The following FSTL4 variants were observed in gnomAD, a reference collection of about 807,000 sequenced individuals.
FSTL4 encodes follistatin-related protein 4.
In FSTL4, 28 loss-of-function variants were observed where a neutral mutation model predicts 78.2. The observed-to-expected ratio is 0.36, with a 90% CI of 0.27 to 0.49. The LOEUF is 0.49. Among genes scored for constraint, FSTL4 ranks in the 20% least tolerant of loss-of-function variants. FSTL4 has a pLI of 0.98. For synonymous variants in FSTL4, 422 were observed against 440.5 expected (o/e 0.96, Z 0.53); for missense variants, 922 against 1,084.9 (o/e 0.85, Z 2.11).
intron 2 of FSTL4, among the ~76,000 whole-genome samples, chr5:133,600,495 A>G (rs933404006): frequency 6.6e-6 from 1 of 152,156 alleles, no homozygotes; most frequent in Non-Finnish European, 1.5e-5. Flanking sequence ...CTGAATTCAG[A>G]ATTCCATTAG....
intron 11 of FSTL4, 160 bp downstream of exon 11, chr5:133,224,030 T>G: frequency 1.8e-6 from 1 of 550,522 alleles, no homozygotes; most frequent in Non-Finnish European, 3.3e-6. Flanking sequence ...ACATTTTAAA[T>G]TTGATTCAAT....
the FSTL4 span, among the ~76,000 whole-genome samples, chr5:133,684,158 G>A: frequency 2.0e-5 from 3 of 152,216 alleles, no homozygotes; most frequent in East Asian, 3.8e-4. Context: ...TAAGCTCTGC[G>A]TTCGGAAAGG....
chr5:133,441,370 C>T (rs574902558), intron 3 of FSTL4, among the ~76,000 whole-genome samples: 22 of 152,188 alleles, frequency 1.4e-4, no homozygotes, highest in Non-Finnish European at 2.9e-4. Context: ...CCTGGTAGCA[C>T]CCCGAGGGGA....
chr5:133,558,270 T>C (rs1338819032), intron 3 of FSTL4, among the ~76,000 whole-genome samples: 2 of 152,208 alleles, frequency 1.3e-5, no homozygotes, highest in South Asian at 2.1e-4. Context: ...ATTTCTCCAA[T>C]GCAAGTAGTA....
intron 11 of FSTL4, 22 bp downstream of exon 11, chr5:133,224,168 G>T: frequency 6.2e-7 from 1 of 1,603,986 alleles, no homozygotes; most frequent in Non-Finnish European, 8.5e-7. Context: ...CAGGCATGAC[G>T]CAAAACAATG....
At chr5:133,453,924 G>T (rs1757432424) in intron 3 of FSTL4, among the ~76,000 whole-genome samples, 1 of 152,176 alleles carries the variant, frequency 6.6e-6, no homozygotes, top group African/African-American at 2.4e-5. Context: ...AGTTGGGTTG[G>T]GATGAGGCAT....
chr5:133,312,462 C>T lies in FSTL4; in HGVS notation c.727+192G>A, dbSNP rs61604148. On this transcript the variant is annotated intron_variant, in intron 6 of 15. Transcript: ENST00000265342. ...ATTAAAAAGGAACAGGGCAAGCCCT[C>T]TCTGGCCCCATCCACTCTCCGTTTA... The T allele has an allele frequency of 1.5e-3, 918 of 604,712 alleles. 6 individuals carry two copies. In the African/African-American group the frequency reaches 0.016, roughly 11 times the overall value. 37.5% of individuals were successfully genotyped at this position (604,712 alleles called of 1,614,324 possible).
At chr5:133,601,013 A>G (rs1021786150) in intron 2 of FSTL4, among the ~76,000 whole-genome samples, 1 of 152,216 alleles carries the variant, frequency 6.6e-6, no homozygotes, top group Non-Finnish European at 1.5e-5. Flanking sequence ...CTACAGTTCA[A>G]ATAATAAACT....
chr5:133,425,769 G>A (rs1756799737), intron 3 of FSTL4, among the ~76,000 whole-genome samples: 1 of 152,230 alleles, frequency 6.6e-6, no homozygotes, highest in South Asian at 2.1e-4. Context: ...CAGAGAATAA[G>A]GGAGATATGG....
the FSTL4 span, among the ~76,000 whole-genome samples, chr5:133,811,004 GA>G: frequency 6.6e-6 from 1 of 152,240 alleles, no homozygotes; most frequent in South Asian, 2.1e-4. Flanking sequence ...TCGTTAAAAG[GA>G]AAACCTTACC....
intron 2 of FSTL4, among the ~76,000 whole-genome samples, chr5:133,582,378 G>A (rs1760434300): frequency 6.6e-6 from 1 of 152,188 alleles, no homozygotes; most frequent in African/African-American, 2.4e-5. Context: ...TAGTGTCTAT[G>A]AGACTGCAGT....
At chr5:133,770,865 G>A in the FSTL4 span, among the ~76,000 whole-genome samples, 1 of 151,822 alleles carries the variant, frequency 6.6e-6, no homozygotes, top group Admixed American at 6.6e-5. Context: ...TTCAACTTAT[G>A]TTTAGGTCTT....
intron 3 of FSTL4, among the ~76,000 whole-genome samples, chr5:133,421,766 CTCAT>C (rs58435074): frequency 0.027 from 4,069 of 152,250 alleles, 165 homozygotes; most frequent in African/African-American, 0.093. Flanking sequence ...ATCATGCTCA[CTCAT>C]TCATTCATTC....
At chr5:133,269,184 C>CAAAAA (rs869156118) in intron 6 of FSTL4, among the ~76,000 whole-genome samples, 27 of 58,916 alleles carry the variant, frequency 4.6e-4, no homozygotes, top group South Asian at 7.1e-4. Flanking sequence ...GACTCCATCT[C>CAAAAA]AAAAAAAAAA....
intron 3 of FSTL4, among the ~76,000 whole-genome samples, chr5:133,536,761 G>C (rs774883540): frequency 5.9e-5 from 9 of 151,448 alleles, no homozygotes; most frequent in Non-Finnish European, 8.8e-5. Context: ...TTTCACTCTG[G>C]GTATAGTATT....
intron 4 of FSTL4, among the ~76,000 whole-genome samples, chr5:133,349,728 C>T: frequency 7.1e-6 from 1 of 140,796 alleles, no homozygotes; most frequent in East Asian, 2.1e-4. Flanking sequence ...GTTTGTCATG[C>T]TGCCATGCGA....
intron 3 of FSTL4, among the ~76,000 whole-genome samples, chr5:133,556,188 A>G (rs963359388): frequency 2.0e-5 from 3 of 152,230 alleles, no homozygotes; most frequent in African/African-American, 7.2e-5. Context: ...ATCTTCCTGA[A>G]TGACCTCAGT....
At chr5:133,635,789 A>G in the FSTL4 span, among the ~76,000 whole-genome samples, 2 of 152,090 alleles carry the variant, frequency 1.3e-5, no homozygotes, top group Non-Finnish European at 2.9e-5. Flanking sequence ...AAACAAACAA[A>G]ACTGCCTTGG....
intron 3 of FSTL4, among the ~76,000 whole-genome samples, chr5:133,476,050 C>T (rs144842431): frequency 3.3e-5 from 5 of 151,924 alleles, no homozygotes; most frequent in East Asian, 1.9e-4. Flanking sequence ...AGGAGGAGGA[C>T]GAGAGAAAAG....
Sources: gnomAD v4.1 joint callset for allele counts (sites outside exome capture counted in the v4.1 genomes callset) on GRCh38, gnomAD v4.1.1 for gene constraint, MANE v1.5 for transcripts, NCBI Gene and HGNC (gene_info 2026-07-23, HGNC 2026-07-21) for gene names.